The following CACNA2D3 variants were observed in gnomAD, a reference collection of about 807,000 sequenced individuals.
CACNA2D3 encodes voltage-dependent calcium channel subunit alpha-2/delta-3.
CACNA2D3 carries 60 observed loss-of-function variants against 160.6 expected under a neutral mutation model. That is an observed-to-expected ratio of 0.37 (90% CI 0.30 to 0.46). CACNA2D3 has a LOEUF of 0.46. Among genes scored for constraint, CACNA2D3 ranks in the 20% least tolerant of loss-of-function variants. The probability of loss-of-function intolerance (pLI) is 1.00; values close to 1 mark genes in which losing one functional copy is unlikely to be tolerated. For missense variants in CACNA2D3, 1,205 were observed against 1,365.0 expected, an observed-to-expected ratio of 0.88 and a Z score of 1.85; for synonymous variants, 558 against 492.9, an observed-to-expected ratio of 1.13 and a Z score of -1.75.
intron 3 of CACNA2D3, among the ~76,000 whole-genome samples, chr3:54,352,578 C>T (rs148582330): frequency 4.6e-5 from 7 of 152,330 alleles, no homozygotes; most frequent in African/African-American, 1.7e-4. Context: ...TTTGGAAAGG[C>T]CCTTCCCAAT....
intron 4 of CACNA2D3, among the ~76,000 whole-genome samples, chr3:54,452,673 T>C (rs1453035618): frequency 6.6e-6 from 1 of 152,208 alleles, no homozygotes; most frequent in Non-Finnish European, 1.5e-5. Flanking sequence ...CTGTATTAAT[T>C]TCCCAGGGCT....
At chr3:54,604,810 G>A (rs1223438313) in intron 9 of CACNA2D3, among the ~76,000 whole-genome samples, 1 of 152,100 alleles carries the variant, frequency 6.6e-6, no homozygotes, top group Non-Finnish European at 1.5e-5. Context: ...ACAGAGTGCT[G>A]TGCCTTGTTA....
intron 27 of CACNA2D3, among the ~76,000 whole-genome samples, chr3:54,963,462 C>A (rs1352978978): frequency 6.6e-6 from 1 of 152,166 alleles, no homozygotes; most frequent in Non-Finnish European, 1.5e-5. Context: ...GGCTACGGAG[C>A]ACTTGACATC....
chr3:54,270,097 T>C (rs1352875237), intron 2 of CACNA2D3, among the ~76,000 whole-genome samples: 1 of 152,238 alleles, frequency 6.6e-6, no homozygotes, highest in Admixed American at 6.5e-5. Context: ...TTGTGATGCT[T>C]AGGCGTGAAA....
At position 54,896,841 on chromosome 3, in the gene CACNA2D3, G is replaced by T; in HGVS notation, c.2339G>T (p.Ser780Ile). ...AGAGCCGCTGAGCAGATTCCAGGGA[G>T]CTTCGTCTACTCGATCCCATTCAGC... ...YRRAAEQIPG[S>I]FVYSIPFSTG... The change falls in exon 26 of 38, where the codon AGC becomes ATC. Residue 780 changes from serine to isoleucine, a missense_variant. By Grantham distance (142) the Ser-to-Ile change is moderately radical. Around this residue, in one of 3 missense-constraint regions of CACNA2D3, gnomAD observed 911 missense variants for 1,002.2 expected, o/e 0.91. Transcript: ENST00000474759. 1 of 1,614,002 alleles carries T rather than the reference G, an allele frequency of 6.2e-7. No homozygotes were observed. The highest frequency in any genetic ancestry group is 2.2e-5 in the East Asian group (1 of 44,868).
chr3:54,307,085 T>TA (rs1400816065), intron 2 of CACNA2D3, among the ~76,000 whole-genome samples: 1 of 152,176 alleles, frequency 6.6e-6, no homozygotes, highest in African/African-American at 2.4e-5. Context: ...TCTCACCTGA[T>TA]ATGACCTGTC....
chr3:54,284,151 T>C (rs1162814206), intron 2 of CACNA2D3, among the ~76,000 whole-genome samples: 1 of 152,186 alleles, frequency 6.6e-6, no homozygotes, highest in Non-Finnish European at 1.5e-5. Flanking sequence ...ATGGTTAAAA[T>C]ATTTAAGCTA....
intron 9 of CACNA2D3, among the ~76,000 whole-genome samples, chr3:54,584,460 A>T (rs1360279130): frequency 6.6e-6 from 1 of 152,216 alleles, no homozygotes; most frequent in Non-Finnish European, 1.5e-5. Flanking sequence ...TTCAGGACAG[A>T]TCAATAGCAA....
chr3:54,536,009 G>A (rs1701883692), intron 5 of CACNA2D3, among the ~76,000 whole-genome samples: 1 of 152,226 alleles, frequency 6.6e-6, no homozygotes, highest in South Asian at 2.1e-4. Flanking sequence ...AGGATCTCTT[G>A]GAGATTTCAC....
chr3:55,012,480 G>T (rs1559463334), intron 34 of CACNA2D3, among the ~76,000 whole-genome samples: 1 of 152,062 alleles, frequency 6.6e-6, no homozygotes, highest in African/African-American at 2.4e-5. Context: ...GCCTTGACCT[G>T]TTTCCCTTCT....
intron 11 of CACNA2D3, among the ~76,000 whole-genome samples, chr3:54,674,792 TGA>T (rs1466718224): frequency 6.6e-6 from 1 of 152,178 alleles, no homozygotes; most frequent in Non-Finnish European, 1.5e-5. Context: ...GTCTGATAGC[TGA>T]GTTCAGAAAG....
At chr3:54,482,786 A>G (rs890587352) in intron 4 of CACNA2D3, among the ~76,000 whole-genome samples, 10 of 152,188 alleles carry the variant, frequency 6.6e-5, no homozygotes, top group Admixed American at 6.5e-5. Context: ...TTCATCCTGT[A>G]GCCATGTCAT....
chr3:55,026,756 T>G (rs1703571014), intron 35 of CACNA2D3, among the ~76,000 whole-genome samples: 1 of 152,170 alleles, frequency 6.6e-6, no homozygotes, highest in South Asian at 2.1e-4. Context: ...CTAGGGCTTG[T>G]TGCCCTTTTG....
intron 2 of CACNA2D3, among the ~76,000 whole-genome samples, chr3:54,186,855 A>G (rs966251658): frequency 4.6e-5 from 7 of 152,208 alleles, no homozygotes; most frequent in African/African-American, 1.2e-4. Flanking sequence ...CTCTGAAGCC[A>G]GGACAGCGTT....
rs117003739 is a variant in CACNA2D3, at chr3:54,781,375, C to T, written c.1380+17024C>T. Among the ~76,000 whole-genome samples, 104 of 152,298 alleles carry T rather than the reference C, an allele frequency of 6.8e-4. No homozygotes were observed. In the East Asian group the frequency reaches 0.02, roughly 29 times the overall value. On this transcript the variant is annotated intron_variant, in intron 13 of 37. Coordinates refer to ENST00000474759, the MANE Select transcript of CACNA2D3 (RefSeq NM_018398.3). ...ATCCAACATAGGGCTGAATTAGGAA[C>T]ACTCAGAATGTGTGGGCTTGATGGT...
At chr3:54,609,839 A>G (rs1032043553) in intron 9 of CACNA2D3, among the ~76,000 whole-genome samples, 1 of 152,198 alleles carries the variant, frequency 6.6e-6, no homozygotes, top group Admixed American at 6.5e-5. Context: ...GATTTGGGAA[A>G]TGTTGTTGTG....
intron 2 of CACNA2D3, among the ~76,000 whole-genome samples, chr3:54,217,759 A>G (rs1701487120): frequency 6.6e-6 from 1 of 152,162 alleles, no homozygotes; most frequent in African/African-American, 2.4e-5. Context: ...TCTAAGATGC[A>G]TGGCCCTCAG....
At chr3:54,846,559 C>T (rs767556900) in intron 17 of CACNA2D3, 92 bp downstream of exon 17, 1 of 809,968 alleles carries the variant, frequency 1.2e-6, no homozygotes, top group Non-Finnish European at 2.0e-6. Flanking sequence ...CTGCAGTTTT[C>T]ACTTTTAAAA....
At chr3:54,832,883 C>T (rs1478921838) in intron 14 of CACNA2D3, among the ~76,000 whole-genome samples, 1 of 152,168 alleles carries the variant, frequency 6.6e-6, no homozygotes, top group Non-Finnish European at 1.5e-5. Flanking sequence ...GAGTAGGTGA[C>T]TAGGCCAGCA....
Sources: allele counts gnomAD v4.1 joint callset (sites outside exome capture counted in the v4.1 genomes callset), GRCh38; gene constraint gnomAD v4.1.1; regional missense constraint gnomAD v4.1.1; transcripts MANE v1.5; gene names NCBI Gene and HGNC (gene_info 2026-07-23, HGNC 2026-07-21).